RBFOX1: variants seen among roughly 807,000 people sequenced by gnomAD.
RBFOX1 encodes the protein RNA binding protein fox-1 homolog 1.
Under a neutral mutation model 57.7 loss-of-function variants are expected in RBFOX1, and 8 were observed. That is an observed-to-expected ratio of 0.14 (90% CI 0.08 to 0.25). The LOEUF (loss-of-function observed/expected upper bound fraction) is 0.25. Among genes scored for constraint, RBFOX1 ranks in the 10% least tolerant of loss-of-function variants. The pLI is 1.00. For missense variants in RBFOX1, 611 were observed against 548.5 expected (o/e 1.11, Z -1.14); for synonymous variants, 326 against 222.4 (o/e 1.47, Z -4.15).
chr16:6,495,210 C>T (rs944312729), intron 2 of RBFOX1, among the ~76,000 whole-genome samples: 17 of 152,084 alleles, frequency 1.1e-4, no homozygotes, highest in Non-Finnish European at 2.9e-5. Context: ...CTTCTGCCTC[C>T]CGGATTCAAG....
chr16:7,615,318 G>C (rs886435848), intron 10 of RBFOX1, among the ~76,000 whole-genome samples: 1 of 144,956 alleles, frequency 6.9e-6, no homozygotes. Flanking sequence ...GGGCAATAGA[G>C]CAAGACTCCA....
At chr16:6,842,373 A>G (rs1008982044) in intron 3 of RBFOX1, among the ~76,000 whole-genome samples, 2 of 152,104 alleles carry the variant, frequency 1.3e-5, no homozygotes, top group Non-Finnish European at 2.9e-5. Flanking sequence ...ACATATAGAG[A>G]AGAAATGTTC....
intron 2 of RBFOX1, among the ~76,000 whole-genome samples, chr16:6,569,000 C>T (rs1240933871): frequency 6.6e-6 from 1 of 152,046 alleles, no homozygotes; most frequent in Admixed American, 6.5e-5. Flanking sequence ...CTCAAACTCC[C>T]AACCTTAAAT....
chr16:5,998,784 G>A (rs765409347), intron 4 of RBFOX1, among the ~76,000 whole-genome samples: 12 of 152,082 alleles, frequency 7.9e-5, no homozygotes, highest in Non-Finnish European at 1.5e-4. Context: ...CTGGTCTGTC[G>A]GCATCTTCTT....
At chr16:5,890,697 GAAA>G (rs71404558) in intron 4 of RBFOX1, among the ~76,000 whole-genome samples, 2 of 61,466 alleles carry the variant, frequency 3.3e-5, no homozygotes, top group African/African-American at 1.2e-4. Context: ...AGTCTGTATT[GAAA>G]AAAAAAAAAA....
intron 2 of RBFOX1, among the ~76,000 whole-genome samples, chr16:6,484,639 C>G (rs1243224519): frequency 6.6e-6 from 1 of 152,126 alleles, no homozygotes; most frequent in Non-Finnish European, 1.5e-5. Flanking sequence ...ATCCCTCTAG[C>G]CCTTATTTTC....
At chr16:6,956,963 A>G (rs1380405969) in intron 3 of RBFOX1, among the ~76,000 whole-genome samples, 1 of 152,120 alleles carries the variant, frequency 6.6e-6, no homozygotes, top group Admixed American at 6.5e-5. Flanking sequence ...TCACACAAGA[A>G]AGAATTCAGG....
chr16:6,509,107 C>G (rs2096189824), intron 2 of RBFOX1, among the ~76,000 whole-genome samples: 1 of 152,074 alleles, frequency 6.6e-6, no homozygotes, highest in South Asian at 2.1e-4. Flanking sequence ...AAGGAGTAAC[C>G]AGATTTTGTT....
intron 13 of RBFOX1, among the ~76,000 whole-genome samples, chr16:7,667,653 G>A (rs997079131): frequency 6.6e-6 from 1 of 150,770 alleles, no homozygotes; most frequent in Non-Finnish European, 1.5e-5. Context: ...AGACACATCA[G>A]ATACCTCGAA....
intron 1 of RBFOX1, among the ~76,000 whole-genome samples, chr16:6,125,919 T>C (rs1359788710): frequency 6.6e-6 from 1 of 152,160 alleles, no homozygotes; most frequent in East Asian, 1.9e-4. Context: ...GATTTCCAGT[T>C]AAATACCTTT....
chr16:5,981,765 G>T (rs775601585), intron 4 of RBFOX1, among the ~76,000 whole-genome samples: 1 of 152,010 alleles, frequency 6.6e-6, no homozygotes, highest in African/African-American at 2.4e-5. Context: ...CGCTGTGCCC[G>T]GCCGTGTGAT....
chr16:7,201,279 C>A (rs1349083572), intron 4 of RBFOX1, among the ~76,000 whole-genome samples: 1 of 152,038 alleles, frequency 6.6e-6, no homozygotes, highest in African/African-American at 2.4e-5. Flanking sequence ...AGCAGAGAAA[C>A]AACGGAGAGC....
chr16:5,608,057 G>A (rs1161520500), intron 3 of RBFOX1, among the ~76,000 whole-genome samples: 4 of 152,212 alleles, frequency 2.6e-5, no homozygotes, highest in Admixed American at 1.3e-4. Context: ...TCACAGAATA[G>A]GCACATGTTT....
Position 6,019,316 on chromosome 16 carries a change from C to A in RBFOX1, c.-803C>A. ...TGAAGGTCACCTCCTTTCCAGTCCC[C>A]GTGCGAGCCGCGCTGCCGCCGCCTC... On this transcript the variant is annotated 5_prime_UTR_variant, in exon 1 of 16. Coordinates refer to ENST00000550418, the MANE Select transcript of RBFOX1 (RefSeq NM_018723.4). The surrounding 1 kb of genome is among the most constrained non-coding windows in gnomAD (Gnocchi z 4.2). The A allele has an allele frequency of 2.0e-6, 2 of 985,180 alleles. No homozygotes were observed. The highest frequency in any genetic ancestry group is 2.4e-6 in the Non-Finnish European group (2 of 830,208). 61.0% of individuals were successfully genotyped at this position (985,180 alleles called of 1,614,324 possible).
chr16:5,404,727 G>T (rs888703970), intron 1 of RBFOX1, among the ~76,000 whole-genome samples: 3 of 152,174 alleles, frequency 2.0e-5, no homozygotes, highest in Non-Finnish European at 4.4e-5. Flanking sequence ...GGTGCATGCT[G>T]TCTGGAGCCT....
In RBFOX1 at chr16:6,065,330, C is replaced by T. The variant is rs112682915; in HGVS notation, c.-127+45338C>T. Among the ~76,000 whole-genome samples the T allele has an allele frequency of 1.9e-3, 288 of 152,068 alleles. 3 individuals are homozygous for T. The highest frequency in any genetic ancestry group is 6.1e-3 in the African/African-American group (252 of 41,460). On this transcript the variant is annotated intron_variant, in intron 1 of 15. Coordinates refer to ENST00000550418, the MANE Select transcript of RBFOX1 (RefSeq NM_018723.4). ...GATTACAGGTGTGAACCACCGCACGCGGCCCTATGATTCTTATGGATGCCT... is the reference window on the plus strand; with the variant it reads ...GATTACAGGTGTGAACCACCGCACGTGGCCCTATGATTCTTATGGATGCCT...
intron 3 of RBFOX1, among the ~76,000 whole-genome samples, chr16:5,701,834 T>C (rs2051061179): frequency 6.6e-6 from 1 of 152,224 alleles, no homozygotes; most frequent in Non-Finnish European, 1.5e-5. Context: ...CAGTTCAGCC[T>C]TCCTGGACCT....
At chr16:6,300,661 A>G (rs938059454) in intron 1 of RBFOX1, among the ~76,000 whole-genome samples, 1 of 152,168 alleles carries the variant, frequency 6.6e-6, no homozygotes, top group Admixed American at 6.5e-5. Flanking sequence ...CCGGAAAACT[A>G]TTCCTGATTC....
At chr16:6,531,577 G>C (rs982284709) in intron 2 of RBFOX1, among the ~76,000 whole-genome samples, 1 of 152,072 alleles carries the variant, frequency 6.6e-6, no homozygotes, top group African/African-American at 2.4e-5. Context: ...TTTTAAAACA[G>C]CTACCTAGGG....
Sources: allele counts gnomAD v4.1 joint callset (sites outside exome capture counted in the v4.1 genomes callset), GRCh38; gene constraint gnomAD v4.1.1; non-coding constraint Gnocchi (gnomAD v3.1); transcripts MANE v1.5; gene names NCBI Gene and HGNC (gene_info 2026-07-23, HGNC 2026-07-21).